GPHN: variants seen among roughly 807,000 people sequenced by gnomAD.
GPHN encodes gephyrin.
In GPHN, 17 loss-of-function variants were observed where a neutral mutation model predicts 95.5. The observed-to-expected ratio is 0.18, with a 90% CI of 0.12 to 0.27. The LOEUF is 0.27. Among genes scored for constraint, GPHN ranks in the 10% least tolerant of loss-of-function variants. The pLI, the probability that GPHN is intolerant of heterozygous loss-of-function variation, is 1.00. For missense variants in GPHN, 660 were observed against 978.1 expected, an observed-to-expected ratio of 0.67 and a Z score of 4.34; for synonymous variants, 320 against 322.5, an observed-to-expected ratio of 0.99 and a Z score of 0.08.
At chr14:67,212,642 T>A in the GPHN span, among the ~76,000 whole-genome samples, 1 of 145,630 alleles carries the variant, frequency 6.9e-6, no homozygotes, top group Non-Finnish European at 1.5e-5. Flanking sequence ...TAATATATAT[T>A]ACATATATAT....
chr14:67,643,793 C>T, the GPHN span, among the ~76,000 whole-genome samples: 1 of 140,500 alleles, frequency 7.1e-6, no homozygotes, highest in Non-Finnish European at 1.5e-5. Context: ...TTTCAGATCA[C>T]TGAACAGAAA....
At chr14:67,026,688 G>A (rs1278637247) in intron 10 of GPHN, among the ~76,000 whole-genome samples, 2 of 152,154 alleles carry the variant, frequency 1.3e-5, no homozygotes, top group Admixed American at 6.5e-5. Context: ...TGTCGCCCAG[G>A]TTGGAGTGCA....
At chr14:66,678,958 G>A (rs917730580) in intron 1 of GPHN, among the ~76,000 whole-genome samples, 2 of 152,212 alleles carry the variant, frequency 1.3e-5, no homozygotes, top group African/African-American at 4.8e-5. Flanking sequence ...GCTCCTAAGG[G>A]TTGTGCACAG....
chr14:66,790,907 C>T (rs1488519903), intron 3 of GPHN, among the ~76,000 whole-genome samples: 1 of 152,224 alleles, frequency 6.6e-6, no homozygotes, highest in Non-Finnish European at 1.5e-5. Flanking sequence ...CTAATTCTGT[C>T]ACCAACAGCC....
chr14:67,473,722 G>A, the GPHN span: 1 of 1,607,762 alleles, frequency 6.2e-7, no homozygotes, highest in Non-Finnish European at 8.5e-7. This position sits in a 1 kb window ranked among gnomAD's most constrained non-coding sequence, Gnocchi z 6.5. Flanking sequence ...CAGCGGCCGC[G>A]CAGCCGCAGG....
At chr14:67,210,625 A>G in the GPHN span, among the ~76,000 whole-genome samples, 1 of 151,970 alleles carries the variant, frequency 6.6e-6, no homozygotes, top group Non-Finnish European at 1.5e-5. Context: ...TTTCTATTAA[A>G]CTTTCGTTAT....
Position 66,922,932 on chromosome 14 carries a change from T to C in GPHN, c.723T>C (p.Ala241=). Reference sequence around the variant, plus strand: ...CACATATAACTGCAGCAGCCATTGCTGCCAAGGTAAGCCTGATGAGAGTTA... The same window carrying C: ...CACATATAACTGCAGCAGCCATTGCCGCCAAGGTAAGCCTGATGAGAGTTA... ...SSSHITAAAI[A]AKKHPFYTSP... The change falls in exon 7 of 23, where the codon GCT becomes GCC. Residue 241 remains alanine, a synonymous_variant. Transcript: ENST00000478722. 6.2e-7 allele frequency: 1 copy of C among 1,612,128 alleles called. No individual in the cohort carries two copies. Among genetic ancestry groups the C allele is most frequent in the African/African-American group, 1.3e-5 (1 of 75,064 alleles).
chr14:67,326,481 G>T, the GPHN span, among the ~76,000 whole-genome samples: 6 of 151,930 alleles, frequency 3.9e-5, no homozygotes, highest in Admixed American at 2.6e-4. Context: ...TTACTTTGCT[G>T]AAGTATATTT....
intron 10 of GPHN, among the ~76,000 whole-genome samples, chr14:67,037,427 C>T (rs564495032): frequency 2.4e-4 from 37 of 151,980 alleles, no homozygotes; most frequent in Non-Finnish European, 4.6e-4. Flanking sequence ...GCACAGACAA[C>T]TTATACAAAT....
the GPHN span, chr14:67,727,167 G>T: frequency 1.2e-6 from 2 of 1,613,514 alleles, no homozygotes; most frequent in Non-Finnish European, 1.7e-6. Context: ...CTTTTTACTC[G>T]TGAGCTGGCC....
At chr14:66,809,358 AAAT>A (rs540241852) in intron 3 of GPHN, among the ~76,000 whole-genome samples, 17 of 151,774 alleles carry the variant, frequency 1.1e-4, no homozygotes, top group Middle Eastern at 3.4e-3. Context: ...GAGTTTTCCT[AAAT>A]AATAATAATA....
the GPHN span, among the ~76,000 whole-genome samples, chr14:67,440,920 C>T: frequency 6.6e-6 from 1 of 152,110 alleles, no homozygotes; most frequent in Admixed American, 6.5e-5. Flanking sequence ...AATATTGATC[C>T]TAACTCTTGT....
the GPHN span, among the ~76,000 whole-genome samples, chr14:67,687,578 TCTC>T: frequency 6.6e-6 from 1 of 150,668 alleles, no homozygotes; most frequent in African/African-American, 2.4e-5. Context: ...TTCAAGCAAT[TCTC>T]CTGCCTCAGC....
the GPHN span, among the ~76,000 whole-genome samples, chr14:67,427,409 G>C: frequency 6.6e-6 from 1 of 152,318 alleles, no homozygotes; most frequent in South Asian, 2.1e-4. Flanking sequence ...GGCTGTGGCC[G>C]TGGAAATGCG....
the GPHN span, among the ~76,000 whole-genome samples, chr14:67,329,421 A>G: frequency 6.6e-6 from 1 of 152,218 alleles, no homozygotes; most frequent in Admixed American, 6.5e-5. Context: ...TGTCATCTGC[A>G]AACAGGGATA....
rs574485859 is a variant in GPHN, at chr14:66,681,265, A to G, written c.143+80A>G. The stretch of plus-strand genomic sequence containing the variant: ...CCTTTTCTCAAAAGAGTTTTATGTG[A>G]AAACTTATTTAAGGTACAACAATTT... On this transcript the variant is annotated intron_variant, in intron 2 of 22. Coordinates refer to ENST00000478722, the MANE Select transcript of GPHN (RefSeq NM_020806.5). The G allele has an allele frequency of 1.6e-5, 15 of 919,064 alleles. No homozygotes were observed. In the East Asian group the frequency reaches 2.6e-4, roughly 16 times the overall value. 56.9% of individuals were successfully genotyped at this position (919,064 alleles called of 1,614,324 possible). A position where few individuals can be genotyped will look rare whatever the true frequency, so the allele number is the denominator to read the frequency against.
chr14:67,679,165 G>C, the GPHN span, among the ~76,000 whole-genome samples: 1 of 152,012 alleles, frequency 6.6e-6, no homozygotes, highest in African/African-American at 2.4e-5. Flanking sequence ...AGAGGGAAGG[G>C]GACACAAGTC....
chr14:67,418,536 C>T, the GPHN span, among the ~76,000 whole-genome samples: 2 of 152,210 alleles, frequency 1.3e-5, no homozygotes, highest in Non-Finnish European at 2.9e-5. Context: ...GCTTTGAGCA[C>T]CATTGCTTGG....
chr14:67,119,626 A>G (rs1170508370), intron 16 of GPHN, among the ~76,000 whole-genome samples: 2 of 151,988 alleles, frequency 1.3e-5, no homozygotes, highest in Non-Finnish European at 2.9e-5. Context: ...CACCATCTCT[A>G]CTAAAAATAC....
Sources: gnomAD v4.1 joint callset for allele counts (sites outside exome capture counted in the v4.1 genomes callset) on GRCh38, gnomAD v4.1.1 for gene constraint, Gnocchi (gnomAD v3.1) non-coding constraint, MANE v1.5 for transcripts, NCBI Gene and HGNC (gene_info 2026-07-23, HGNC 2026-07-21) for gene names.